The following IL15RA variants were observed in gnomAD, a reference collection of about 807,000 sequenced individuals.
IL15RA encodes interleukin-15 receptor subunit alpha.
A neutral mutation model predicts 24.2 loss-of-function variants in IL15RA; 26 were observed. The observed-to-expected ratio is 1.07, with a 90% CI of 0.79 to 1.49. The LOEUF is 1.49. Ranked by LOEUF, IL15RA falls within the 40% of genes most tolerant of loss-of-function variation. IL15RA has a pLI of 0.00. For synonymous variants in IL15RA, 166 were observed against 157.6 expected (o/e 1.05, Z -0.40); for missense variants, 354 against 356.4 (o/e 0.99, Z 0.05).
At position 5,967,916 on chromosome 10, in the gene IL15RA, G is replaced by A. The variant is rs1036459563; in HGVS notation, c.89-1577C>T. Among the ~76,000 whole-genome samples the A allele has an allele frequency of 1.1e-4, 17 of 152,080 alleles. No individual in the cohort carries two copies. The highest frequency in any genetic ancestry group is 1.0e-4 in the Non-Finnish European group (7 of 68,020). On this transcript the variant is annotated intron_variant, in intron 1 of 6. Coordinates refer to ENST00000379977, the MANE Select transcript of IL15RA (RefSeq NM_002189.4). This position sits in a 1 kb window ranked among gnomAD's most constrained non-coding sequence, Gnocchi z 4.4. ...TCTACTAAAATACAAAAAATTAGCT[G>A]GATGTGGTGGTGGGCGCCTGTAATC...
chr10:5,956,139 C>T (rs8177719), intron 6 of IL15RA, among the ~76,000 whole-genome samples: 2,126 of 152,150 alleles, frequency 0.014, 52 homozygotes, highest in South Asian at 0.055. Flanking sequence ...CTCAGCCTCC[C>T]GAATAGCTGG....
At position 5,971,729 on chromosome 10, in the gene IL15RA, C is replaced by T. The variant is rs1245572438; in HGVS notation, c.89-5390G>A. Among the ~76,000 whole-genome samples, 4 of 152,192 alleles carry T rather than the reference C, an allele frequency of 2.6e-5. No individual in the cohort carries two copies. Among genetic ancestry groups the T allele is most frequent in the Non-Finnish European group, 5.9e-5 (4 of 68,046 alleles). On this transcript the variant is annotated intron_variant, in intron 1 of 6. Coordinates refer to ENST00000379977, the MANE Select transcript of IL15RA (RefSeq NM_002189.4). The surrounding 1 kb of genome is among the most constrained non-coding windows in gnomAD (Gnocchi z 5.5). ...CCCATCACCTTCCTTCCTTATTTTC[C>T]CCGCTGAAATGTCAGCCAAGTCAAC...
Position 5,968,644 on chromosome 10 carries a change from T to C in IL15RA, c.89-2305A>G, listed in dbSNP as rs1434754599. On this transcript the variant is annotated intron_variant, in intron 1 of 6. Transcript: ENST00000379977. This position sits in a 1 kb window ranked among gnomAD's most constrained non-coding sequence, Gnocchi z 5.4. ...CCTCTGGTGCTATCTGGTGCTGGAG[T>C]GTCAGAGGCTTTTTCTCCATGTTCT... is the stretch of plus-strand genomic sequence containing the variant. 1.6e-6 allele frequency: 1 copy of C among 623,200 alleles called. No individual in the cohort carries two copies. The highest frequency in any genetic ancestry group is 2.9e-6 in the Non-Finnish European group (1 of 344,898). The allele number at this position is 623,200 out of a possible 1,614,324, so 38.6% of individuals were successfully genotyped here. A position where few individuals can be genotyped will look rare whatever the true frequency, so the allele number is the denominator to read the frequency against.
rs1175651449 is a variant in IL15RA, at chr10:5,967,251, C to G, written c.89-912G>C. On this transcript the variant is annotated intron_variant, in intron 1 of 6. Coordinates refer to ENST00000379977, the MANE Select transcript of IL15RA (RefSeq NM_002189.4). This position sits in a 1 kb window ranked among gnomAD's most constrained non-coding sequence, Gnocchi z 4.4. Reference sequence around the variant, plus strand: ...GACGGAGTTTCACTCTGTCACCAGGCTGGAGTGCAGTGGCACGATCTTGGC... The same window carrying G: ...GACGGAGTTTCACTCTGTCACCAGGGTGGAGTGCAGTGGCACGATCTTGGC... 6.6e-6 allele frequency among the ~76,000 whole-genome samples: 1 copy of G among 152,212 alleles called. No individual in the cohort carries two copies. Among genetic ancestry groups the G allele is most frequent in the African/African-American group, 2.4e-5 (1 of 41,458 alleles).
rs1017774842 is a variant in IL15RA, at chr10:5,975,405, G to A, written c.88+2000C>T. On this transcript the variant is annotated intron_variant, in intron 1 of 6. Coordinates refer to ENST00000379977, the MANE Select transcript of IL15RA (RefSeq NM_002189.4). This position sits in a 1 kb window ranked among gnomAD's most constrained non-coding sequence, Gnocchi z 4.8. The stretch of plus-strand genomic sequence containing the variant: ...GTGCATCAAATTGCCTGGGAGATGG[G>A]CGAGGTGGGAGATGAGGACTGTGCA... 4.6e-5 allele frequency among the ~76,000 whole-genome samples: 7 copies of A among 152,010 alleles called. No individual in the cohort carries two copies. The highest frequency in any genetic ancestry group is 1.0e-4 in the Non-Finnish European group (7 of 68,028).
In IL15RA at chr10:5,956,399, C is replaced by A; in HGVS notation, c.672G>T (p.Leu224=). The change falls in exon 6 of 7, where the codon CTG becomes CTT. Residue 224 remains leucine, a synonymous_variant. Coordinates refer to ENST00000379977, the MANE Select transcript of IL15RA (RefSeq NM_002189.4). Reference sequence around the variant, plus strand: ...CTCACCTTGACTTGAGGTAGCATGCCAGGAGAGACACAGCGCTCAGCCCAC... The same window carrying A: ...CTCACCTTGACTTGAGGTAGCATGCAAGGAGAGACACAGCGCTCAGCCCAC... ...LLCGLSAVSL[L]ACYLKSRQTP... 1 of 1,613,900 alleles carries A rather than the reference C, an allele frequency of 6.2e-7. No homozygotes were observed. Among genetic ancestry groups the A allele is most frequent in the Non-Finnish European group, 8.5e-7 (1 of 1,179,832 alleles).
chr10:5,977,334 G>C (rs553230426), intron 1 of IL15RA, 71 bp downstream of exon 1: 5 of 728,136 alleles, frequency 6.9e-6, no homozygotes, highest in African/African-American at 3.7e-5. Context: ...TGGGGCGCCC[G>C]GTTCCCTCCA....
Position 5,960,604 on chromosome 10 carries a change from G to A in IL15RA, c.383-37C>T, listed in dbSNP as rs924946218. 7 of 1,565,388 alleles carry A rather than the reference G, an allele frequency of 4.5e-6. No individual in the cohort carries two copies. In the African/African-American group the frequency reaches 8.1e-5, roughly 18 times the overall value. ...TCCAAGGCAGGGACAACATCAGTGT[G>A]CAGACTCCCCTCCTCTCAGCTGCAG... On this transcript the variant is annotated intron_variant, in intron 3 of 6. Coordinates refer to ENST00000379977, the MANE Select transcript of IL15RA (RefSeq NM_002189.4). The surrounding 1 kb of genome is among the most constrained non-coding windows in gnomAD (Gnocchi z 5.1).
Position 5,958,287 on chromosome 10 carries a change from A to G in IL15RA, c.616+1467T>C, listed in dbSNP as rs968914420. ...CTGTCCAGCATTCCTTATCCTCTAT[A>G]TGTTTATTTATACAGTCTCTCTGGA... is the stretch of plus-strand genomic sequence containing the variant. On this transcript the variant is annotated intron_variant, in intron 5 of 6. Coordinates refer to ENST00000379977, the MANE Select transcript of IL15RA (RefSeq NM_002189.4). This position sits in a 1 kb window ranked among gnomAD's most constrained non-coding sequence, Gnocchi z 4.3. The G allele has an allele frequency of 1.3e-5, 6 of 454,064 alleles. No homozygotes were observed. Among genetic ancestry groups the G allele is most frequent in the South Asian group, 6.2e-5 (4 of 64,296 alleles). 28.1% of individuals were successfully genotyped at this position (454,064 alleles called of 1,614,324 possible). A position where few individuals can be genotyped will look rare whatever the true frequency, so the allele number is the denominator to read the frequency against.
chr10:5,967,177 T>TTGC lies in IL15RA; in HGVS notation c.89-839_89-838insGCA, dbSNP rs1564510587. Among the ~76,000 whole-genome samples the TTGC allele has an allele frequency of 2.7e-5, 4 of 150,058 alleles. No individual in the cohort carries two copies. Among genetic ancestry groups the TTGC allele is most frequent in the African/African-American group, 7.6e-5 (3 of 39,426 alleles). On this transcript the variant is annotated intron_variant, in intron 1 of 6. Transcript: ENST00000379977. The surrounding 1 kb of genome is among the most constrained non-coding windows in gnomAD (Gnocchi z 4.4). ...ACTTGCAAGATCGGGCCTTGCCTTG[T>TTGC]CTTGCCTTGCCTTACCTTGCCTTAC...
Position 5,966,181 on chromosome 10 carries a change from C to T in IL15RA, c.247G>A (p.Val83Ile). Residue 83 changes from valine to isoleucine, a missense_variant, in exon 2 of 7, where the codon GTC (valine) becomes ATC (isoleucine). Coordinates refer to ENST00000379977, the MANE Select transcript of IL15RA (RefSeq NM_002189.4). This position sits in a 1 kb window ranked among gnomAD's most constrained non-coding sequence, Gnocchi z 6.4. ...TECVLNKATN[V>I]AHWTTPSLKC... ...AGACTGGGGGTTGTCCAGTGGGCGA[C>T]ATTCGTGGCCTTGTTCAACACGCAC... 1 of 1,612,422 alleles carries T rather than the reference C, an allele frequency of 6.2e-7. No homozygotes were observed. The highest frequency in any genetic ancestry group is 8.5e-7 in the Non-Finnish European group (1 of 1,178,540).
intron 1 of IL15RA, chr10:5,969,048 C>G: frequency 7.5e-7 from 1 of 1,330,418 alleles, no homozygotes; most frequent in Non-Finnish European, 1.0e-6. Context: ...TTCTGGCTGA[C>G]TCACCAATCG....
Position 5,959,836 on chromosome 10 carries a change from T to C in IL15RA, c.584-50A>G, listed in dbSNP as rs1476089444. On this transcript the variant is annotated intron_variant, in intron 4 of 6. Coordinates refer to ENST00000379977, the MANE Select transcript of IL15RA (RefSeq NM_002189.4). The surrounding 1 kb of genome is among the most constrained non-coding windows in gnomAD (Gnocchi z 4.1). ...ACGGCTCGAGTCCTAGAGGTCCTAG[T>C]TCCTCATGAAGCAGGAGAAAATCTG... 6.3e-7 allele frequency: 1 copy of C among 1,591,068 alleles called. No individual in the cohort carries two copies. The highest frequency in any genetic ancestry group is 1.1e-5 in the South Asian group (1 of 90,062).
intron 5 of IL15RA, among the ~76,000 whole-genome samples, chr10:5,957,816 T>C (rs1222803631): frequency 1.3e-5 from 2 of 152,152 alleles, no homozygotes; most frequent in Non-Finnish European, 2.9e-5. Flanking sequence ...GGTCTCGAAC[T>C]CCTGGCCTCA....
upstream of IL15RA, chr10:5,977,986 C>T (rs1049909496): frequency 2.3e-5 from 4 of 177,478 alleles, no homozygotes; most frequent in Non-Finnish European, 4.7e-5. Flanking sequence ...TCCTGGTCTC[C>T]CTCCGCGGCC....
chr10:5,961,248 G>A lies in IL15RA; in HGVS notation c.383-681C>T, dbSNP rs1411911169. Among the ~76,000 whole-genome samples the A allele has an allele frequency of 1.3e-5, 2 of 152,098 alleles. No homozygotes were observed. Among genetic ancestry groups the A allele is most frequent in the South Asian group, 2.1e-4 (1 of 4,826 alleles). The stretch of plus-strand genomic sequence containing the variant: ...CTGTTTCTACAAAAATAAGAATAAC[G>A]ATAAATTATCCAGGTGTGGTGGGCA... On this transcript the variant is annotated intron_variant, in intron 3 of 6. Coordinates refer to ENST00000379977, the MANE Select transcript of IL15RA (RefSeq NM_002189.4). The surrounding 1 kb of genome is among the most constrained non-coding windows in gnomAD (Gnocchi z 5.2).
At position 5,970,203 on chromosome 10, in the gene IL15RA, A is replaced by G. The variant is rs1188027232; in HGVS notation, c.89-3864T>C. The stretch of plus-strand genomic sequence containing the variant: ...GGTTGTTTTAGGGTGTCCACTATAT[A>G]TCTTTACCTTATCACAGTTTTCCTT... On this transcript the variant is annotated intron_variant, in intron 1 of 6. Coordinates refer to ENST00000379977, the MANE Select transcript of IL15RA (RefSeq NM_002189.4). This position sits in a 1 kb window ranked among gnomAD's most constrained non-coding sequence, Gnocchi z 4.1. Among the ~76,000 whole-genome samples, 1 of 152,144 alleles carries G rather than the reference A, an allele frequency of 6.6e-6. No homozygotes were observed. The highest frequency in any genetic ancestry group is 1.9e-4 in the East Asian group (1 of 5,204).
At chr10:5,949,826 G>A (rs1833751213), downstream of IL15RA, among the ~76,000 whole-genome samples, 1 of 152,196 alleles carries the variant, frequency 6.6e-6, no homozygotes, top group Non-Finnish European at 1.5e-5. This position sits in a 1 kb window ranked among gnomAD's most constrained non-coding sequence, Gnocchi z 4.4. Context: ...GCCAGGCACG[G>A]TGGCTCAAGC....
chr10:5,969,383 A>G (rs1837212070), intron 1 of IL15RA, among the ~76,000 whole-genome samples: 1 of 100,990 alleles, frequency 9.9e-6, no homozygotes, highest in Admixed American at 1.0e-4. Context: ...ATTAAATTAA[A>G]TTTTTCCAAG....
Sources: allele counts gnomAD v4.1 joint callset (sites outside exome capture counted in the v4.1 genomes callset), GRCh38; gene constraint gnomAD v4.1.1; non-coding constraint Gnocchi (gnomAD v3.1); transcripts MANE v1.5; gene names NCBI Gene and HGNC (gene_info 2026-07-23, HGNC 2026-07-21).